Variants in ZNF445 observed in about 807,000 individuals in gnomAD.
ZNF445 encodes zinc finger protein 445.
Under a neutral mutation model 93.9 loss-of-function variants are expected in ZNF445, and 19 were observed. That is an observed-to-expected ratio of 0.20 (90% confidence interval 0.14 to 0.30). The LOEUF (loss-of-function observed/expected upper bound fraction) is 0.30. ZNF445 is among the 10% of genes least tolerant of loss of function. ZNF445 has a pLI of 1.00. For synonymous variants in ZNF445, 449 were observed against 446.3 expected, an observed-to-expected ratio of 1.01 and a Z score of -0.08; for missense variants, 1,058 against 1,259.4, an observed-to-expected ratio of 0.84 and a Z score of 2.42.
rs1390293935 is a variant in ZNF445 at position 44,437,678 on chromosome 3, T to A, written c.*8897A>T. On this transcript the variant is annotated 3_prime_UTR_variant, in exon 8 of 8. Coordinates refer to ENST00000396077, the MANE Select transcript of ZNF445 (RefSeq NM_181489.6). The stretch of plus-strand genomic sequence containing the variant: ...CCTCTAACCCAATCCCATTTGTTAC[T>A]CGGGTACCCCATCACTTACCCAAAG... The A allele has an allele frequency of 6.6e-6, 1 of 152,162 alleles. No homozygotes were observed. Among genetic ancestry groups the A allele is most frequent in the Non-Finnish European group, 1.5e-5 (1 of 68,044 alleles). 9.4% of individuals were successfully genotyped at this position (152,162 alleles called of 1,614,324 possible).
intron 2 of ZNF445, 68 bp from the exon 3 acceptor site, chr3:44,455,764 T>C (rs1698020358): frequency 3.7e-6 from 2 of 540,512 alleles, no homozygotes; most frequent in East Asian, 6.2e-5. Flanking sequence ...CTGGTTGGGA[T>C]CATCTTTGTA....
intron 3 of ZNF445, among the ~76,000 whole-genome samples, chr3:44,452,703 T>A (rs1291845062): frequency 1.3e-5 from 2 of 152,218 alleles, no homozygotes; most frequent in East Asian, 1.9e-4. Context: ...TATCAGGTCC[T>A]TTTGAACATT....
At chr3:44,449,736 G>A in intron 6 of ZNF445, 113 bp from the exon 7 acceptor site, 1 of 797,412 alleles carries the variant, frequency 1.3e-6, no homozygotes, top group Non-Finnish European at 2.1e-6. Flanking sequence ...AGGAAGGCAG[G>A]CAGCAGAAGC....
rs1200419476 is a variant in ZNF445, at chr3:44,455,307, G to A, written c.243C>T (p.Arg81=). ...ETLSRLRELC[R]WWLRPDVLSK... The stretch of plus-strand genomic sequence containing the variant: ...AGAGAACGTCAGGCCTCAGCCACCA[G>A]CGACAGAGTTCCCGGAGCCGGCTCA... Residue 81 remains arginine, a synonymous_variant, in exon 3 of 8, where the codon CGC becomes CGT. Coordinates refer to ENST00000396077, the MANE Select transcript of ZNF445 (RefSeq NM_181489.6). 3.7e-6 allele frequency: 6 copies of A among 1,614,084 alleles called. No individual in the cohort carries two copies. Among genetic ancestry groups the A allele is most frequent in the Non-Finnish European group, 5.1e-6 (6 of 1,179,940 alleles).
chr3:44,446,917 G>A lies in ZNF445; in HGVS notation c.2754C>T (p.His918=), dbSNP rs780563108. The A allele has an allele frequency of 6.2e-7, 1 of 1,614,082 alleles. No individual in the cohort carries two copies. Among genetic ancestry groups the A allele is most frequent in the South Asian group, 1.1e-5 (1 of 91,076 alleles). The part of the protein sequence containing the change: ...RHTLSSHQRK[H]TRAAQAERSP... ...TACGTTCAGCCTGTGCTGCTCTGGT[G>A]TGTTTCCTCTGGTGACTGGAAAGGG... Residue 918 remains histidine, a synonymous_variant, in exon 8 of 8, where the codon CAC becomes CAT. Transcript: ENST00000396077. The surrounding 1 kb of genome is among the most constrained non-coding windows in gnomAD (Gnocchi z 4.2).
chr3:44,476,419 A>G (rs1698355224), intron 1 of ZNF445, among the ~76,000 whole-genome samples: 1 of 152,050 alleles, frequency 6.6e-6, no homozygotes, highest in Non-Finnish European at 1.5e-5. Context: ...AAGATAACAT[A>G]AAAGAGCAGC....
chr3:44,461,880 C>T (rs779304575), intron 1 of ZNF445, among the ~76,000 whole-genome samples: 14 of 152,012 alleles, frequency 9.2e-5, no homozygotes, highest in African/African-American at 1.2e-4. Flanking sequence ...ACAGCTATGG[C>T]GCAGTGAGCA....
rs1261633894 is a variant in ZNF445, at chr3:44,444,793, C to G, written c.*1782G>C. 2 of 152,132 alleles carry G rather than the reference C, an allele frequency of 1.3e-5. No individual in the cohort carries two copies. Among genetic ancestry groups the G allele is most frequent in the African/African-American group, 4.8e-5 (2 of 41,404 alleles). 9.4% of individuals were successfully genotyped at this position (152,132 alleles called of 1,614,324 possible). ...CCAGAGCAGGTAAGATTATTCCATACTCTACTGAAAAAGACATCTTCCAGG... is the reference window on the plus strand; with the variant it reads ...CCAGAGCAGGTAAGATTATTCCATAGTCTACTGAAAAAGACATCTTCCAGG... On this transcript the variant is annotated 3_prime_UTR_variant, in exon 8 of 8. Coordinates refer to ENST00000396077, the MANE Select transcript of ZNF445 (RefSeq NM_181489.6).
In ZNF445 at chr3:44,455,308, C is replaced by T; in HGVS notation, c.242G>A (p.Arg81His). Reference protein sequence around the residue: ...ETLSRLRELCRWWLRPDVLSK... With the variant: ...ETLSRLRELCHWWLRPDVLSK... Reference sequence around the variant, plus strand: ...GAGAACGTCAGGCCTCAGCCACCAGCGACAGAGTTCCCGGAGCCGGCTCAG... The same window carrying T: ...GAGAACGTCAGGCCTCAGCCACCAGTGACAGAGTTCCCGGAGCCGGCTCAG... The change falls in exon 3 of 8, where the codon CGC becomes CAC. Residue 81 changes from arginine to histidine, a missense_variant. Around this residue, in one of 3 missense-constraint regions of ZNF445, gnomAD observed 657 missense variants for 746.4 expected, o/e 0.88. Coordinates refer to ENST00000396077, the MANE Select transcript of ZNF445 (RefSeq NM_181489.6). The T allele has an allele frequency of 1.2e-6, 2 of 1,614,026 alleles. No homozygotes were observed. Among genetic ancestry groups the T allele is most frequent in the East Asian group, 2.2e-5 (1 of 44,884 alleles).
rs1042515799 is a variant in ZNF445, at chr3:44,432,526, T to C, written c.*14049A>G. 5 of 140,010 alleles carry C rather than the reference T, an allele frequency of 3.6e-5. No individual in the cohort carries two copies. Among genetic ancestry groups the C allele is most frequent in the East Asian group, 2.0e-4 (1 of 5,068 alleles). 8.7% of individuals were successfully genotyped at this position (140,010 alleles called of 1,614,324 possible). A position where few individuals can be genotyped will look rare whatever the true frequency, so the allele number is the denominator to read the frequency against. On this transcript the variant is annotated 3_prime_UTR_variant, in exon 8 of 8. Transcript: ENST00000396077. The stretch of plus-strand genomic sequence containing the variant: ...AGGCAGTCTGCGGAAGAATTCTCTC[T>C]TGCCTGAGAGAGAGTCTGGGGCAGC...
chr3:44,450,301 C>T, intron 6 of ZNF445, 146 bp downstream of exon 6: 1 of 933,812 alleles, frequency 1.1e-6, no homozygotes. Context: ...TCAAAAGAGG[C>T]TACCAAGGTG....
chr3:44,463,673 A>T (rs1281434536), intron 1 of ZNF445, among the ~76,000 whole-genome samples: 1 of 152,068 alleles, frequency 6.6e-6, no homozygotes, highest in Non-Finnish European at 1.5e-5. Flanking sequence ...GGGATACTTG[A>T]CTCTGCACAC....
In ZNF445 at chr3:44,442,223, C is replaced by T. The variant is rs956374484; in HGVS notation, c.*4352G>A. The T allele has an allele frequency of 3.9e-5, 6 of 152,194 alleles. No homozygotes were observed. Among genetic ancestry groups the T allele is most frequent in the Non-Finnish European group, 7.3e-5 (5 of 68,042 alleles). 9.4% of individuals were successfully genotyped at this position (152,194 alleles called of 1,614,324 possible). On this transcript the variant is annotated 3_prime_UTR_variant, in exon 8 of 8. Transcript: ENST00000396077. Reference sequence around the variant, plus strand: ...TTCACTTTCCAAGGACCAAAAACAACCCATTTATTTATCCATTCTTCTGCT... The same window carrying T: ...TTCACTTTCCAAGGACCAAAAACAATCCATTTATTTATCCATTCTTCTGCT...
chr3:44,475,610 T>C (rs958315058), intron 1 of ZNF445, among the ~76,000 whole-genome samples: 5 of 152,234 alleles, frequency 3.3e-5, no homozygotes, highest in Admixed American at 6.5e-5. Context: ...GTCATATATT[T>C]ATTGAGAACC....
chr3:44,476,436 C>A (rs1466252831), intron 1 of ZNF445, among the ~76,000 whole-genome samples: 1 of 151,580 alleles, frequency 6.6e-6, no homozygotes, highest in African/African-American at 2.4e-5. Flanking sequence ...CAGCCTAATT[C>A]TTTGGTCCCT....
In ZNF445 at chr3:44,446,404, A is replaced by G. The variant is rs1697878006; in HGVS notation, c.*171T>C. On this transcript the variant is annotated 3_prime_UTR_variant, in exon 8 of 8. Coordinates refer to ENST00000396077, the MANE Select transcript of ZNF445 (RefSeq NM_181489.6). This position sits in a 1 kb window ranked among gnomAD's most constrained non-coding sequence, Gnocchi z 4.2. ...CTGCACTTCCCCAGCGTCACATCCT[A>G]GCAGGCAGGCTGGGGACTCCCCGAG... 2.2e-6 allele frequency: 2 copies of G among 901,358 alleles called. No homozygotes were observed. The highest frequency in any genetic ancestry group is 3.3e-6 in the Non-Finnish European group (2 of 607,772). 55.8% of individuals were successfully genotyped at this position (901,358 alleles called of 1,614,324 possible). A position where few individuals can be genotyped will look rare whatever the true frequency, so the allele number is the denominator to read the frequency against.
chr3:44,469,959 ACT>A (rs1338814415), intron 1 of ZNF445, among the ~76,000 whole-genome samples: 1 of 151,732 alleles, frequency 6.6e-6, no homozygotes, highest in African/African-American at 2.4e-5. Flanking sequence ...CTTTTTTCTC[ACT>A]CTGTCATCCA....
rs1413737597 is a variant in ZNF445 at position 44,432,545 on chromosome 3, G to A, written c.*14030C>T. 6.6e-6 allele frequency: 1 copy of A among 152,092 alleles called. No homozygotes were observed. Among genetic ancestry groups the A allele is most frequent in the Non-Finnish European group, 1.5e-5 (1 of 68,024 alleles). The allele number at this position is 152,092 out of a possible 1,614,324, so 9.4% of individuals were successfully genotyped here. A position where few individuals can be genotyped will look rare whatever the true frequency, so the allele number is the denominator to read the frequency against. On this transcript the variant is annotated 3_prime_UTR_variant, in exon 8 of 8. Coordinates refer to ENST00000396077, the MANE Select transcript of ZNF445 (RefSeq NM_181489.6). ...TCTCTCTTGCCTGAGAGAGAGTCTG[G>A]GGCAGCCAGACTTTATGTTCTCCTC...
At chr3:44,462,657 GGA>G (rs1355166831) in intron 1 of ZNF445, among the ~76,000 whole-genome samples, 2 of 151,694 alleles carry the variant, frequency 1.3e-5, no homozygotes, top group Non-Finnish European at 2.9e-5. Context: ...CCACCCTGGG[GGA>G]GATTCTAAAT....
Sources: gnomAD v4.1 joint callset for allele counts (sites outside exome capture counted in the v4.1 genomes callset) on GRCh38, gnomAD v4.1.1 for gene constraint, gnomAD v4.1.1 regional missense constraint, Gnocchi (gnomAD v3.1) non-coding constraint, MANE v1.5 for transcripts, NCBI Gene and HGNC (gene_info 2026-07-23, HGNC 2026-07-21) for gene names.